Variants in MLLT10 observed in about 807,000 individuals in gnomAD.
The protein encoded by MLLT10 is protein AF-10.
A neutral mutation model predicts 129.1 loss-of-function variants in MLLT10; 30 were observed. The observed-to-expected ratio is 0.23, with a 90% confidence interval of 0.17 to 0.32. The LOEUF is 0.32. MLLT10 is among the 10% of genes least tolerant of loss of function. The probability of loss-of-function intolerance (pLI) is 1.00; values close to 1 mark genes in which losing one functional copy is unlikely to be tolerated. For synonymous variants in MLLT10, 490 were observed against 446.4 expected (o/e 1.10, Z -1.23); for missense variants, 1,119 against 1,268.3 (o/e 0.88, Z 1.79).
chr10:21,593,935 A>T (rs2042759636), intron 4 of MLLT10, among the ~76,000 whole-genome samples: 1 of 137,652 alleles, frequency 7.3e-6, no homozygotes, highest in African/African-American at 2.6e-5. Context: ...TTAAAAAAAA[A>T]AAAAAAAAAA....
chr10:21,733,809 T>A lies in MLLT10; in HGVS notation c.2538T>A (p.Ala846=), dbSNP rs781387326. ...SSGQSTSSSS[A]LSTPPPAGQS... The stretch of plus-strand genomic sequence containing the variant: ...GACAAAGTACCAGCAGCTCATCAGC[T>A]CTTTCTACCCCACCTCCTGCTGGGC... Residue 846 remains alanine (A), a synonymous_variant, in exon 20 of 23, where the codon GCT becomes GCA. Transcript: ENST00000307729. 8.7e-6 allele frequency: 14 copies of A among 1,614,070 alleles called. No homozygotes were observed. The South Asian group carries it at 1.3e-4, about 15-fold the overall frequency.
At chr10:21,627,732 T>A (rs2046595611) in intron 8 of MLLT10, among the ~76,000 whole-genome samples, 1 of 152,208 alleles carries the variant, frequency 6.6e-6, no homozygotes, top group African/African-American at 2.4e-5. Flanking sequence ...ATTTGAGCAT[T>A]GTTTGCTATC....
rs144057225 is a variant in MLLT10 at position 21,696,212 on chromosome 10, A to AT, written c.1699+13965dup. On this transcript the variant is annotated intron_variant, in intron 13 of 22. Transcript: ENST00000307729. The stretch of plus-strand genomic sequence containing the variant: ...TGTATTTATTTTTTTGATTATTATT[A>AT]TTTTTTTTTTGAGCTTTAAGCCTTC... Among the ~76,000 whole-genome samples the AT allele has an allele frequency of 1.2e-3, 172 of 148,184 alleles. 3 individuals are homozygous for AT. In the East Asian group the frequency reaches 0.018, roughly 15 times the overall value.
chr10:21,715,035 T>G (rs148307416), intron 14 of MLLT10, among the ~76,000 whole-genome samples: 1 of 152,204 alleles, frequency 6.6e-6, no homozygotes, highest in African/African-American at 2.4e-5. Context: ...TAGTAGTCTT[T>G]TAATGGTCAA....
chr10:21,641,958 G>A (rs2048045436), intron 8 of MLLT10, among the ~76,000 whole-genome samples: 1 of 152,206 alleles, frequency 6.6e-6, no homozygotes, highest in Admixed American at 6.5e-5. Context: ...AGTCATGGTT[G>A]CCAGGACACT....
intron 9 of MLLT10, among the ~76,000 whole-genome samples, chr10:21,655,815 G>A (rs2049519577): frequency 6.6e-6 from 1 of 152,106 alleles, no homozygotes; most frequent in African/African-American, 2.4e-5. Flanking sequence ...TGGGTTTCAG[G>A]GTCGATCTAA....
chr10:21,583,204 T>C (rs1002389891), intron 3 of MLLT10, among the ~76,000 whole-genome samples: 1 of 152,098 alleles, frequency 6.6e-6, no homozygotes, highest in African/African-American at 2.4e-5. Context: ...ATGTAGCATA[T>C]AGAGTTTTAT....
At chr10:21,708,209 A>G (rs1209320713) in intron 13 of MLLT10, among the ~76,000 whole-genome samples, 1 of 152,182 alleles carries the variant, frequency 6.6e-6, no homozygotes. Flanking sequence ...AAAGGAAGGA[A>G]TCAGTATGTC....
chr10:21,674,923 T>G (rs1042273377), intron 11 of MLLT10, among the ~76,000 whole-genome samples: 4 of 152,178 alleles, frequency 2.6e-5, no homozygotes, highest in Admixed American at 2.0e-4. Context: ...ATACAAAATT[T>G]TAGATTGTTT....
intron 3 of MLLT10, among the ~76,000 whole-genome samples, chr10:21,547,059 G>A (rs2036201194): frequency 1.3e-5 from 2 of 151,976 alleles, no homozygotes; most frequent in South Asian, 4.2e-4. Flanking sequence ...TAGTAGAAAT[G>A]GGGTTTTACC....
chr10:21,611,324 A>G (rs762265157), intron 5 of MLLT10, among the ~76,000 whole-genome samples: 4 of 152,018 alleles, frequency 2.6e-5, no homozygotes, highest in South Asian at 2.1e-4. Flanking sequence ...TAGGTTTTCA[A>G]TAGAGGAGTT....
At chr10:21,705,170 G>A (rs144542897) in intron 13 of MLLT10, among the ~76,000 whole-genome samples, 4 of 152,306 alleles carry the variant, frequency 2.6e-5, no homozygotes, top group African/African-American at 7.2e-5. Flanking sequence ...CTGGATCCCA[G>A]GAAGAGTGCA....
rs1165870624 is a variant in MLLT10 at position 21,676,440 on chromosome 10, G to A, written c.1621+2521G>A. On this transcript the variant is annotated intron_variant, in intron 11 of 22. Transcript: ENST00000307729. ...CTCAAAAAAAAAAAATTACTCTGGGGCTGGGCATGGTGACTTACGCCTGTA... is the reference window on the plus strand; with the variant it reads ...CTCAAAAAAAAAAAATTACTCTGGGACTGGGCATGGTGACTTACGCCTGTA... 5.5e-5 allele frequency among the ~76,000 whole-genome samples: 8 copies of A among 145,432 alleles called. No individual in the cohort carries two copies. The Admixed American group carries it at 5.6e-4, about 10-fold the overall frequency.
At chr10:21,562,239 G>A (rs1392179056) in intron 3 of MLLT10, among the ~76,000 whole-genome samples, 3 of 151,920 alleles carry the variant, frequency 2.0e-5, no homozygotes, top group Admixed American at 1.3e-4. Context: ...GTTTTAGAAC[G>A]TATTTTTTTT....
intron 3 of MLLT10, among the ~76,000 whole-genome samples, chr10:21,543,487 T>C (rs1371077745): frequency 1.3e-5 from 2 of 151,866 alleles, no homozygotes; most frequent in African/African-American, 2.4e-5. Context: ...ATATATTATG[T>C]TTTTTTGGAG....
intron 3 of MLLT10, chr10:21,557,003 T>G: frequency 6.8e-7 from 1 of 1,479,214 alleles, no homozygotes; most frequent in African/African-American, 1.4e-5. Flanking sequence ...CTTACAGGGT[T>G]TTGTTTTACC....
intron 9 of MLLT10, among the ~76,000 whole-genome samples, chr10:21,668,137 A>G (rs1285203958): frequency 1.3e-5 from 2 of 152,116 alleles, no homozygotes; most frequent in Non-Finnish European, 2.9e-5. Context: ...TTGTGGTCCA[A>G]TTTACATTAA....
intron 8 of MLLT10, chr10:21,625,404 C>A: frequency 1.2e-6 from 1 of 812,716 alleles, no homozygotes; most frequent in Admixed American, 1.9e-5. Context: ...TCCAATATTT[C>A]GTCTGTGCCC....
At chr10:21,660,557 A>C (rs2131346317) in intron 9 of MLLT10, among the ~76,000 whole-genome samples, 1 of 143,258 alleles carries the variant, frequency 7.0e-6, no homozygotes, top group East Asian at 2.1e-4. Context: ...CGGAGGTTGC[A>C]GTGACCCGAG....
Sources: gnomAD v4.1 joint callset for allele counts (sites outside exome capture counted in the v4.1 genomes callset) on GRCh38, gnomAD v4.1.1 for gene constraint, MANE v1.5 for transcripts, NCBI Gene and HGNC (gene_info 2026-07-23, HGNC 2026-07-21) for gene names.